The following ECM2 variants were observed in gnomAD, a reference collection of about 807,000 sequenced individuals.
ECM2 encodes the protein extracellular matrix protein 2.
A neutral mutation model predicts 67.5 loss-of-function variants in ECM2; 57 were observed. That is an observed-to-expected ratio of 0.84 (90% CI 0.68 to 1.05). The LOEUF is 1.05. Ranked by LOEUF, ECM2 falls within the 50% of genes least tolerant of loss-of-function variation. The pLI is 0.00. For synonymous variants in ECM2, 258 were observed against 294.5 expected (o/e 0.88, Z 1.27); for missense variants, 741 against 822.8 (o/e 0.90, Z 1.22).
chr9:92,522,522 C>G, intron 2 of ECM2, 53 bp downstream of exon 2: 1 of 1,470,108 alleles, frequency 6.8e-7, no homozygotes, highest in East Asian at 2.4e-5. Flanking sequence ...TTTCCCCATA[C>G]CATCTCTCAC....
intron 6 of ECM2, among the ~76,000 whole-genome samples, chr9:92,509,476 C>T (rs1173740012): frequency 2.0e-5 from 3 of 152,178 alleles, no homozygotes; most frequent in African/African-American, 7.2e-5. Flanking sequence ...TGGGTGGGGT[C>T]TGTTGACCAT....
rs184137124 is a variant in ECM2 at position 92,522,546 on chromosome 9, T to C, written c.292+29A>G. 7.2e-5 allele frequency: 111 copies of C among 1,548,162 alleles called. No homozygotes were observed. In the African/African-American group the frequency reaches 1.4e-3, roughly 19 times the overall value. On this transcript the variant is annotated intron_variant, in intron 2 of 9. Coordinates refer to ENST00000344604, the MANE Select transcript of ECM2 (RefSeq NM_001393.4). Reference sequence around the variant, plus strand: ...ACCATCTCTCACCCTCCTCCCTCTTTCTGTCTCTCTCTCATAGTGTTCTCT... The same window carrying C: ...ACCATCTCTCACCCTCCTCCCTCTTCCTGTCTCTCTCTCATAGTGTTCTCT...
intron 3 of ECM2, among the ~76,000 whole-genome samples, chr9:92,515,644 G>T (rs1203799506): frequency 6.6e-6 from 1 of 152,186 alleles, no homozygotes; most frequent in Non-Finnish European, 1.5e-5. Flanking sequence ...CCAGACATTA[G>T]AAAAGTGAAA....
intron 7 of ECM2, 95 bp from the exon 8 acceptor site, chr9:92,502,747 TA>T: frequency 9.4e-7 from 1 of 1,061,340 alleles, no homozygotes; most frequent in African/African-American, 1.6e-5. Context: ...CTATTATCAT[TA>T]GTATTATCTA....
intron 1 of ECM2, among the ~76,000 whole-genome samples, chr9:92,533,818 G>A (rs1849005189): frequency 6.6e-6 from 1 of 152,008 alleles, no homozygotes. Flanking sequence ...ATACCTTATA[G>A]ATATTTGTCC....
At chr9:92,512,182 A>T (rs150792948) in intron 4 of ECM2, 56 bp from the exon 5 acceptor site, 10 of 1,200,454 alleles carry the variant, frequency 8.3e-6, no homozygotes, top group Non-Finnish European at 1.2e-5. Flanking sequence ...ACATGTACAC[A>T]CATGTATGGG....
chr9:92,554,049 G>A, the ECM2 span, among the ~76,000 whole-genome samples: 78 of 152,250 alleles, frequency 5.1e-4, no homozygotes, highest in East Asian at 0.01. Flanking sequence ...TGGGTTTGTC[G>A]TAGATGGCTT....
At chr9:92,552,325 C>T in the ECM2 span, among the ~76,000 whole-genome samples, 3 of 151,824 alleles carry the variant, frequency 2.0e-5, no homozygotes, top group Non-Finnish European at 4.4e-5. Context: ...GTATCTTTTT[C>T]GAATAATGAT....
At chr9:92,516,075 C>G (rs185219551) in intron 3 of ECM2, among the ~76,000 whole-genome samples, 1 of 149,672 alleles carries the variant, frequency 6.7e-6, no homozygotes, top group South Asian at 2.2e-4. Flanking sequence ...TTTTTTTTCC[C>G]CCCCCCGAGA....
chr9:92,556,566 G>A, the ECM2 span, among the ~76,000 whole-genome samples: 1 of 152,164 alleles, frequency 6.6e-6, no homozygotes, highest in Non-Finnish European at 1.5e-5. Context: ...GTTGGACAAG[G>A]CCTTTTACCA....
At chr9:92,498,997 C>T (rs866703541) in intron 9 of ECM2, among the ~76,000 whole-genome samples, 5 of 152,188 alleles carry the variant, frequency 3.3e-5, no homozygotes, top group East Asian at 1.9e-4. Context: ...GACCACGTCT[C>T]GTTCCCACTT....
chr9:92,508,296 C>T lies in ECM2; in HGVS notation c.1306+1603G>A, dbSNP rs531526219. On this transcript the variant is annotated intron_variant, in intron 6 of 9. Coordinates refer to ENST00000344604, the MANE Select transcript of ECM2 (RefSeq NM_001393.4). ...GGACAGAAGCACTGCCGGCATGGGG[C>T]CGAGGCTCCTCGGGTGCTCGGACTG... is the stretch of plus-strand genomic sequence containing the variant. 2.0e-4 allele frequency among the ~76,000 whole-genome samples: 30 copies of T among 152,344 alleles called. No individual in the cohort carries two copies. In the South Asian group the frequency reaches 6.2e-3, roughly 32 times the overall value.
At position 92,496,020 on chromosome 9, in the gene ECM2, A is replaced by T. The variant is rs998047699; in HGVS notation, c.*295T>A. The T allele has an allele frequency of 9.9e-7, 1 of 1,009,292 alleles. No individual in the cohort carries two copies. The highest frequency in any genetic ancestry group is 1.7e-5 in the African/African-American group (1 of 58,280). The allele number at this position is 1,009,292 out of a possible 1,614,324, so 62.5% of individuals were successfully genotyped here. ...CAAGTTGATTATAAAGGCTGTGTTTATTTTGTTCCAGACTCTTCTGGTCTA... is the reference window on the plus strand; with the variant it reads ...CAAGTTGATTATAAAGGCTGTGTTTTTTTTGTTCCAGACTCTTCTGGTCTA... On this transcript the variant is annotated 3_prime_UTR_variant, in exon 10 of 10. Coordinates refer to ENST00000344604, the MANE Select transcript of ECM2 (RefSeq NM_001393.4).
At position 92,505,630 on chromosome 9, in the gene ECM2, T is replaced by C; in HGVS notation, c.1367A>G (p.Asn456Ser). 1 of 1,609,940 alleles carries C rather than the reference T, an allele frequency of 6.2e-7. No individual in the cohort carries two copies. The highest frequency in any genetic ancestry group is 8.5e-7 in the Non-Finnish European group (1 of 1,178,824). Residue 456 changes from asparagine to serine, a missense_variant, in exon 7 of 10, where the codon AAT becomes AGT. By Grantham distance (46) the Asn-to-Ser change is conservative. Coordinates refer to ENST00000344604, the MANE Select transcript of ECM2 (RefSeq NM_001393.4). ...CTTCAAAGGTTTGAAAGCTAAAGGA[T>C]TGACATTGGCTTCACTGAGATTGTT... ...EGNNLSEANV[N>S]PLAFKPLKSL...
At chr9:92,545,513 G>A in the ECM2 span, among the ~76,000 whole-genome samples, 1 of 146,992 alleles carries the variant, frequency 6.8e-6, no homozygotes, top group East Asian at 2.1e-4. Flanking sequence ...CCTGCAGCCC[G>A]CCAAGACTGA....
chr9:92,494,045 C>A, downstream of ECM2: 1 of 1,591,854 alleles, frequency 6.3e-7, no homozygotes, highest in Non-Finnish European at 8.5e-7. Context: ...ACAGCACTTG[C>A]CTGCTTACTT....
chr9:92,504,493 A>G (rs1257921729), intron 7 of ECM2, among the ~76,000 whole-genome samples: 1 of 152,140 alleles, frequency 6.6e-6, no homozygotes, highest in Non-Finnish European at 1.5e-5. Flanking sequence ...GTCTGCCAGT[A>G]TGTATAGACT....
the ECM2 span, among the ~76,000 whole-genome samples, chr9:92,546,353 G>A: frequency 6.6e-6 from 1 of 152,176 alleles, no homozygotes; most frequent in Non-Finnish European, 1.5e-5. Flanking sequence ...CTGTGTGGAA[G>A]CTTTGTTCTT....
chr9:92,557,834 G>A, the ECM2 span, among the ~76,000 whole-genome samples: 1 of 151,978 alleles, frequency 6.6e-6, no homozygotes, highest in East Asian at 1.9e-4. Context: ...TAGTAGAGAC[G>A]GGATTTCAAC....
Sources: allele counts gnomAD v4.1 joint callset (sites outside exome capture counted in the v4.1 genomes callset), GRCh38; gene constraint gnomAD v4.1.1; transcripts MANE v1.5; gene names NCBI Gene and HGNC (gene_info 2026-07-23, HGNC 2026-07-21).